PARD3B: variants seen among roughly 807,000 people sequenced by gnomAD.
PARD3B encodes the protein par-3 family cell polarity regulator beta.
In PARD3B, 103 loss-of-function variants were observed where a neutral mutation model predicts 130.2. The ratio of observed to expected loss-of-function variants is 0.79; its 90% confidence interval spans 0.67 to 0.93. The LOEUF (loss-of-function observed/expected upper bound fraction) is 0.93. PARD3B is among the 40% of genes least tolerant of loss of function. The pLI, the probability that PARD3B is intolerant of heterozygous loss-of-function variation, is 0.00. For synonymous variants in PARD3B, 583 were observed against 553.2 expected (o/e 1.05, Z -0.76); for missense variants, 1,609 against 1,499.2 (o/e 1.07, Z -1.21).
intron 3 of PARD3B, among the ~76,000 whole-genome samples, chr2:204,983,512 A>G (rs2125217657): frequency 6.6e-6 from 1 of 152,284 alleles, no homozygotes; most frequent in East Asian, 1.9e-4. Flanking sequence ...ATTAAGAGGA[A>G]ACAGTTCAGC....
rs1281975571 is a variant in PARD3B, at chr2:205,229,498, C to G, written c.2141-16280C>G. Reference sequence around the variant, plus strand: ...ACTCTGCTCTCTTCCCTTATTTTCCCCCAAACACATAAAGCCTCTCTCTGT... The same window carrying G: ...ACTCTGCTCTCTTCCCTTATTTTCCGCCAAACACATAAAGCCTCTCTCTGT... On this transcript the variant is annotated intron_variant, in intron 15 of 22. Coordinates refer to ENST00000406610, the MANE Select transcript of PARD3B (RefSeq NM_001302769.2). The surrounding 1 kb of genome is among the most constrained non-coding windows in gnomAD (Gnocchi z 5.2). 1.3e-5 allele frequency among the ~76,000 whole-genome samples: 2 copies of G among 152,102 alleles called. No individual in the cohort carries two copies. The highest frequency in any genetic ancestry group is 2.4e-5 in the African/African-American group (1 of 41,408).
intron 1 of PARD3B, among the ~76,000 whole-genome samples, chr2:204,569,775 A>G (rs540293404): frequency 1.3e-5 from 2 of 152,180 alleles, no homozygotes; most frequent in Non-Finnish European, 2.9e-5. Context: ...GGAGAAGGTG[A>G]TGAGAGCACT....
At chr2:204,584,473 A>G (rs999360796) in intron 1 of PARD3B, among the ~76,000 whole-genome samples, 1 of 152,214 alleles carries the variant, frequency 6.6e-6, no homozygotes, top group African/African-American at 2.4e-5. Flanking sequence ...TGCATCCTTT[A>G]CTACCCTATA....
chr2:205,065,083 G>A (rs193249790), intron 4 of PARD3B, among the ~76,000 whole-genome samples: 9 of 152,302 alleles, frequency 5.9e-5, no homozygotes, highest in Non-Finnish European at 1.2e-4. Context: ...GTGAATAGAG[G>A]TTATAAAGAA....
intron 2 of PARD3B, among the ~76,000 whole-genome samples, chr2:204,742,562 A>G (rs1012226353): frequency 6.6e-6 from 1 of 152,182 alleles, no homozygotes; most frequent in African/African-American, 2.4e-5. Flanking sequence ...TGCTCTGTCT[A>G]TATGGTTTTA....
chr2:205,030,220 A>C (rs1039058227), intron 3 of PARD3B, among the ~76,000 whole-genome samples: 2 of 152,128 alleles, frequency 1.3e-5, no homozygotes, highest in East Asian at 3.8e-4. Context: ...CTTCAGAGGA[A>C]GAAGCATGAG....
At chr2:205,113,827 A>G (rs1409840599) in intron 6 of PARD3B, among the ~76,000 whole-genome samples, 3 of 152,176 alleles carry the variant, frequency 2.0e-5, no homozygotes, top group Admixed American at 6.6e-5. Context: ...TTCTTAAAGT[A>G]TCCTTATCAG....
intron 18 of PARD3B, among the ~76,000 whole-genome samples, chr2:205,362,690 A>C (rs1235260506): frequency 1.3e-5 from 2 of 152,204 alleles, no homozygotes; most frequent in Non-Finnish European, 2.9e-5. Flanking sequence ...ATTAGCTTGT[A>C]CTACTAGTTT....
intron 4 of PARD3B, among the ~76,000 whole-genome samples, chr2:205,089,705 G>T (rs1326595511): frequency 6.6e-6 from 1 of 152,128 alleles, no homozygotes; most frequent in Non-Finnish European, 1.5e-5. Flanking sequence ...TGAAGTCAAG[G>T]GTAGGACTGA....
intron 2 of PARD3B, among the ~76,000 whole-genome samples, chr2:204,874,762 C>A (rs1315267295): frequency 6.6e-6 from 1 of 152,158 alleles, no homozygotes; most frequent in Admixed American, 6.5e-5. Flanking sequence ...ACCCCTGAGG[C>A]AAACACTGCT....
chr2:205,379,248 C>A (rs912025930), intron 18 of PARD3B, among the ~76,000 whole-genome samples: 4 of 152,064 alleles, frequency 2.6e-5, no homozygotes, highest in Non-Finnish European at 5.9e-5. Flanking sequence ...CTGCCACCAC[C>A]AAAAATGTTA....
At chr2:204,950,582 G>C (rs536137242) in intron 2 of PARD3B, among the ~76,000 whole-genome samples, 6 of 152,136 alleles carry the variant, frequency 3.9e-5, no homozygotes, top group Admixed American at 1.3e-4. Context: ...ATTTGTGGGG[G>C]CCTTGGGAGA....
At chr2:205,120,198 T>C (rs1216768196) in intron 7 of PARD3B, among the ~76,000 whole-genome samples, 4 of 152,210 alleles carry the variant, frequency 2.6e-5, no homozygotes, top group Non-Finnish European at 5.9e-5. Context: ...ATTTTTAATA[T>C]ACTACTGTGC....
At chr2:204,570,151 A>G (rs1051045480) in intron 1 of PARD3B, among the ~76,000 whole-genome samples, 6 of 152,218 alleles carry the variant, frequency 3.9e-5, no homozygotes, top group Non-Finnish European at 5.9e-5. Flanking sequence ...GATGAAGGCT[A>G]CAAAGTCACA....
intron 8 of PARD3B, among the ~76,000 whole-genome samples, 160 bp from the exon 9 acceptor site, chr2:205,124,167 A>G (rs1356777388): frequency 6.6e-6 from 1 of 152,248 alleles, no homozygotes; most frequent in African/African-American, 2.4e-5. Context: ...TATAATCTGC[A>G]TTTGAAACAC....
Position 205,590,838 on chromosome 2 carries a change from C to A in PARD3B, c.3261-24618C>A, listed in dbSNP as rs369762208. Among the ~76,000 whole-genome samples the A allele has an allele frequency of 6.6e-6, 1 of 152,076 alleles. No individual in the cohort carries two copies. Among genetic ancestry groups the A allele is most frequent in the African/African-American group, 2.4e-5 (1 of 41,414 alleles). ...TGTTCTGTCAAACCAGTACACCAAA[C>A]CCTCTCTGCTTCCGGTCTGCTTGTC... is the stretch of plus-strand genomic sequence containing the variant. On this transcript the variant is annotated intron_variant, in intron 22 of 22. Coordinates refer to ENST00000406610, the MANE Select transcript of PARD3B (RefSeq NM_001302769.2). The surrounding 1 kb of genome is among the most constrained non-coding windows in gnomAD (Gnocchi z 4.1).
At chr2:204,703,104 C>A (rs899212140) in intron 2 of PARD3B, among the ~76,000 whole-genome samples, 2 of 151,970 alleles carry the variant, frequency 1.3e-5, no homozygotes, top group African/African-American at 4.8e-5. Context: ...ACCTATTATC[C>A]CCATTTTACA....
chr2:204,904,909 T>C (rs1042882278), intron 2 of PARD3B, among the ~76,000 whole-genome samples: 10 of 152,232 alleles, frequency 6.6e-5, no homozygotes, highest in Non-Finnish European at 2.9e-5. Context: ...GTTTACAATA[T>C]GTAGAATGTA....
intron 15 of PARD3B, among the ~76,000 whole-genome samples, chr2:205,203,946 A>G (rs1484002504): frequency 6.6e-6 from 1 of 152,206 alleles, no homozygotes; most frequent in Non-Finnish European, 1.5e-5. Context: ...AGCATGATTT[A>G]TAATCCTTTG....
Sources: allele counts gnomAD v4.1 joint callset (sites outside exome capture counted in the v4.1 genomes callset), GRCh38; gene constraint gnomAD v4.1.1; non-coding constraint Gnocchi (gnomAD v3.1); transcripts MANE v1.5; gene names NCBI Gene and HGNC (gene_info 2026-07-23, HGNC 2026-07-21).